The following UVSSA variants were observed in gnomAD, a reference collection of about 807,000 sequenced individuals.
UVSSA encodes UV-stimulated scaffold protein A.
Under a neutral mutation model 73.9 loss-of-function variants are expected in UVSSA, and 72 were observed. The observed-to-expected ratio is 0.97, with a 90% CI of 0.81 to 1.19. UVSSA has a LOEUF of 1.19. UVSSA is among the 50% of genes most tolerant of loss of function. The pLI is 0.00. For synonymous variants in UVSSA, 454 were observed against 391.3 expected (o/e 1.16, Z -1.89); for missense variants, 1,150 against 965.0 (o/e 1.19, Z -2.54).
upstream of UVSSA, among the ~76,000 whole-genome samples, chr4:1,344,447 A>G (rs977013756): frequency 6.6e-6 from 1 of 152,112 alleles, no homozygotes; most frequent in Non-Finnish European, 1.5e-5. Flanking sequence ...GCTATTTGGG[A>G]GGCCAAGACA....
intron 8 of UVSSA, among the ~76,000 whole-genome samples, chr4:1,372,182 C>T (rs1382022732): frequency 6.6e-6 from 1 of 152,192 alleles, no homozygotes; most frequent in African/African-American, 2.4e-5. Context: ...TTATTTTCAA[C>T]TTTTCACTAA....
intron 8 of UVSSA, among the ~76,000 whole-genome samples, chr4:1,373,370 C>A (rs181844966): frequency 2.1e-3 from 327 of 152,256 alleles, no homozygotes; most frequent in Non-Finnish European, 2.2e-3. Flanking sequence ...CTCCTTTTCA[C>A]GTTTGCTTTA....
intron 10 of UVSSA, among the ~76,000 whole-genome samples, chr4:1,377,229 G>A (rs576825791): frequency 2.6e-5 from 4 of 152,220 alleles, no homozygotes; most frequent in African/African-American, 7.2e-5. Context: ...GTGTCTGGAT[G>A]CCCAGGAACG....
chr4:1,394,681 C>T, exon 14 of UVSSA: 1 of 1,597,418 alleles, frequency 6.3e-7, no homozygotes, highest in South Asian at 1.1e-5. Context: ...CGCCTGCTCA[C>T]ACGTGCCCAT....
At chr4:1,381,172 G>T (rs1328496131) in intron 12 of UVSSA, among the ~76,000 whole-genome samples, 184 bp downstream of exon 12, 1 of 152,194 alleles carries the variant, frequency 6.6e-6, no homozygotes, top group Non-Finnish European at 1.5e-5. Flanking sequence ...TCCTGGGTTT[G>T]GGGGCTCCAG....
At chr4:1,355,058 G>C in intron 6 of UVSSA, 59 bp from the exon 7 acceptor site, 1 of 1,596,368 alleles carries the variant, frequency 6.3e-7, no homozygotes, top group South Asian at 1.1e-5. Context: ...CTCCCAGCAG[G>C]ACAGCTTCCC....
chr4:1,384,190 G>C, intron 13 of UVSSA: 1 of 512,128 alleles, frequency 2.0e-6, no homozygotes, highest in Non-Finnish European at 3.4e-6. Context: ...CGACCGCCAG[G>C]CACCGCCATC....
intron 13 of UVSSA, chr4:1,384,638 T>A (rs1719891323): frequency 6.6e-6 from 1 of 152,336 alleles, no homozygotes; most frequent in Non-Finnish European, 1.5e-5. Flanking sequence ...CACCTGAGGC[T>A]GTTGACTCCC....
chr4:1,371,774 TG>T (rs1718069328), intron 8 of UVSSA, among the ~76,000 whole-genome samples: 1 of 152,046 alleles, frequency 6.6e-6, no homozygotes, highest in South Asian at 2.1e-4. Context: ...CCACCACGTG[TG>T]GGAATTATGG....
At chr4:1,352,564 C>G (rs566589984) in intron 4 of UVSSA, among the ~76,000 whole-genome samples, 2 of 152,222 alleles carry the variant, frequency 1.3e-5, no homozygotes, top group African/African-American at 2.4e-5. Flanking sequence ...GTGGGCTGAC[C>G]TCCCCTGCGC....
chr4:1,379,480 C>A (rs1357058874), intron 10 of UVSSA, among the ~76,000 whole-genome samples: 2 of 144,232 alleles, frequency 1.4e-5, no homozygotes, highest in African/African-American at 5.1e-5. Flanking sequence ...GCGGACGCAC[C>A]TGGGACGCCT....
intron 8 of UVSSA, among the ~76,000 whole-genome samples, chr4:1,371,079 C>T (rs149219277): frequency 1.9e-3 from 294 of 152,330 alleles, no homozygotes; most frequent in Non-Finnish European, 3.6e-3. Context: ...AGTGGAGGCA[C>T]TGTGGGTGTC....
downstream of UVSSA, chr4:1,392,410 A>G (rs1720430487): frequency 6.6e-6 from 1 of 152,188 alleles, no homozygotes; most frequent in Admixed American, 6.5e-5. Flanking sequence ...CTTTGTGTGG[A>G]TTTGAGTGTG....
chr4:1,353,976 C>A (rs974298536), intron 5 of UVSSA, among the ~76,000 whole-genome samples: 1 of 152,238 alleles, frequency 6.6e-6, no homozygotes, highest in African/African-American at 2.4e-5. Context: ...TCCCAAGCCC[C>A]CTGCTGCCCC....
chr4:1,375,526 G>A lies in UVSSA; in HGVS notation c.1433+18G>A, dbSNP rs768427410. ...TCTGCCAGGTGACTCCCAGTGTCCT[G>A]TGTGCTGAGCCCCCTGCCCGGCGCT... On this transcript the variant is annotated intron_variant, in intron 9 of 13. Transcript: ENST00000389851. The A allele has an allele frequency of 1.9e-6, 3 of 1,605,178 alleles. No individual in the cohort carries two copies. Among genetic ancestry groups the A allele is most frequent in the South Asian group, 1.1e-5 (1 of 90,872 alleles).
intron 7 of UVSSA, among the ~76,000 whole-genome samples, chr4:1,362,812 G>A (rs1314860758): frequency 7.2e-5 from 11 of 152,182 alleles, no homozygotes; most frequent in African/African-American, 1.7e-4. Flanking sequence ...TTTGGGCTCC[G>A]TGCGCTTCGA....
chr4:1,350,580 G>A (rs1714552682), intron 3 of UVSSA, among the ~76,000 whole-genome samples: 1 of 152,298 alleles, frequency 6.6e-6, no homozygotes, highest in East Asian at 1.9e-4. Context: ...GTTAGCAGAC[G>A]TGCTGGCTTT....
chr4:1,366,291 TTGATTTGTATTGGGGTGTTTTTCCAC>T lies in UVSSA; in HGVS notation c.1177-28_1177-3del, dbSNP rs1412310658. 1 of 1,533,170 alleles carries T rather than the reference TTGATTTGTATTGGGGTGTTTTTCCAC, an allele frequency of 6.5e-7. No homozygotes were observed. Among genetic ancestry groups the T allele is most frequent in the Non-Finnish European group, 8.9e-7 (1 of 1,120,830 alleles). 95.0% of individuals were successfully genotyped at this position (1,533,170 alleles called of 1,614,324 possible). A position where few individuals can be genotyped will look rare whatever the true frequency, so the allele number is the denominator to read the frequency against. On this transcript the variant is annotated splice_region_variant and splice_polypyrimidine_tract_variant and intron_variant, in intron 7 of 13. Coordinates refer to ENST00000389851, the MANE Select transcript of UVSSA (RefSeq NM_020894.4). Reference sequence around the variant, plus strand: ...TGTGTTCATACACAGGGTCTGGGGGTTGATTTGTATTGGGGTGTTTTTCCACAGACAGAAGCCCTGGGGGATGCGGA... The same window carrying T: ...TGTGTTCATACACAGGGTCTGGGGGTAGACAGAAGCCCTGGGGGATGCGGA...
rs762685790 is a variant in UVSSA, at chr4:1,380,214, G to A, written c.1736G>A (p.Arg579His). 1.4e-5 allele frequency: 22 copies of A among 1,611,538 alleles called. No homozygotes were observed. The highest frequency in any genetic ancestry group is 1.1e-4 in the African/African-American group (8 of 74,916). ...AGGCCAGACGGCCGGCTCTGTGAGC[G>A]CCAAGACCGGCTGAAGGTGAGGCCG... ...APRPDGRLCE[R>H]QDRLKCPFHG... The change falls in exon 11 of 14, where the codon CGC becomes CAC. Residue 579 changes from arginine (R) to histidine (H), a missense_variant. Physicochemically the swap from Arg to His is conservative, Grantham distance 29. Coordinates refer to ENST00000389851, the MANE Select transcript of UVSSA (RefSeq NM_020894.4).
Sources: allele counts gnomAD v4.1 joint callset (sites outside exome capture counted in the v4.1 genomes callset), GRCh38; gene constraint gnomAD v4.1.1; transcripts MANE v1.5; gene names NCBI Gene and HGNC (gene_info 2026-07-23, HGNC 2026-07-21).